The following ADPRHL1 variants were observed in gnomAD, a reference collection of about 807,000 sequenced individuals.
The protein encoded by ADPRHL1 is inactive ADP-ribosyltransferase ARH2.
In ADPRHL1, 43 loss-of-function variants were observed where a neutral mutation model predicts 44.1. The observed-to-expected ratio is 0.98, with a 90% confidence interval of 0.76 to 1.26. The LOEUF is 1.26. Ranked by LOEUF, ADPRHL1 falls within the 50% of genes most tolerant of loss-of-function variation. The pLI is 0.00. For synonymous variants in ADPRHL1, 878 were observed against 1,017.4 expected (o/e 0.86, Z 2.61); for missense variants, 2,022 against 2,496.9 (o/e 0.81, Z 4.05).
chr13:113,429,754 C>A (rs540188030), intron 3 of ADPRHL1, among the ~76,000 whole-genome samples: 2 of 152,188 alleles, frequency 1.3e-5, no homozygotes, highest in African/African-American at 2.4e-5. Context: ...GTTTCCTGTG[C>A]GGGGCCGACT....
Position 113,407,641 on chromosome 13 carries a change from C to A in ADPRHL1, c.1641G>T (p.Val547=), listed in dbSNP as rs1226979436. The part of the protein sequence containing the change: ...LLPKIMGKSS[V]LSKLREKFEQ... ...CGAACTTCTCCCGCAGCTTGGACAG[C>A]ACCGAGCTCTTGCCCATGATCTTCG... Residue 547 remains valine (V), a synonymous_variant, in exon 8 of 8, where the codon GTG becomes GTT. Coordinates refer to ENST00000612156, the MANE Select transcript of ADPRHL1 (RefSeq NM_001394807.1). 17 of 1,231,984 alleles carry A rather than the reference C, an allele frequency of 1.4e-5. No homozygotes were observed. The highest frequency in any genetic ancestry group is 1.7e-5 in the Non-Finnish European group (17 of 988,020). 76.3% of individuals were successfully genotyped at this position (1,231,984 alleles called of 1,614,324 possible).
chr13:113,417,615 C>T (rs1220980965), intron 7 of ADPRHL1, among the ~76,000 whole-genome samples: 13 of 152,234 alleles, frequency 8.5e-5, no homozygotes, highest in East Asian at 5.8e-4. Flanking sequence ...AGCCGCTGCT[C>T]GGGGTGTGGC....
At position 113,437,234 on chromosome 13, in the gene ADPRHL1, G is replaced by A. The variant is rs181157483; in HGVS notation, c.380-3367C>T. Among the ~76,000 whole-genome samples, 513 of 146,472 alleles carry A rather than the reference G, an allele frequency of 3.5e-3. 4 individuals carry two copies. The highest frequency in any genetic ancestry group is 5.8e-3 in the Non-Finnish European group (388 of 66,702). The stretch of plus-strand genomic sequence containing the variant: ...CGTAGAGTGAACACAGGTGTACCCC[G>A]GGACCCGGCACCCACACATAGAGTG... On this transcript the variant is annotated intron_variant, in intron 2 of 7. Coordinates refer to ENST00000612156, the MANE Select transcript of ADPRHL1 (RefSeq NM_001394807.1).
intron 3 of ADPRHL1, 28 bp downstream of exon 3, chr13:113,433,714 C>A: frequency 1.9e-6 from 3 of 1,567,314 alleles, no homozygotes; most frequent in Non-Finnish European, 2.6e-6. Context: ...CCACGCTGAC[C>A]TCCCTCCCAC....
chr13:113,440,986 C>G (rs1342558045), intron 2 of ADPRHL1, among the ~76,000 whole-genome samples: 1 of 152,052 alleles, frequency 6.6e-6, no homozygotes, highest in African/African-American at 2.4e-5. Context: ...AACCTTGTCA[C>G]TACTAAAAAT....
At chr13:113,420,872 AC>A (rs1489956629) in intron 7 of ADPRHL1, among the ~76,000 whole-genome samples, 1 of 142,936 alleles carries the variant, frequency 7.0e-6, no homozygotes, top group African/African-American at 2.6e-5. Flanking sequence ...TAGCCCCAGG[AC>A]CCGCCCACCC....
chr13:113,424,153 AG>A, intron 6 of ADPRHL1, 63 bp downstream of exon 6: 1 of 1,597,074 alleles, frequency 6.3e-7, no homozygotes, highest in Non-Finnish European at 8.5e-7. Flanking sequence ...GGACACTCCG[AG>A]GGGGTGCTTC....
chr13:113,407,808 G>C lies in ADPRHL1; in HGVS notation c.1474C>G (p.Arg492Gly), dbSNP rs1796995989. The C allele has an allele frequency of 8.1e-7, 1 of 1,232,022 alleles. No homozygotes were observed. The highest frequency in any genetic ancestry group is 1.0e-6 in the Non-Finnish European group (1 of 988,006). 76.3% of individuals were successfully genotyped at this position (1,232,022 alleles called of 1,614,324 possible). A position where few individuals can be genotyped will look rare whatever the true frequency, so the allele number is the denominator to read the frequency against. Reference protein sequence around the residue: ...APKPCLSEKPRWGHPAGKSTV... With the variant: ...APKPCLSEKPGWGHPAGKSTV... ...CTCTTCCCGGCCGGGTGGCCCCAGCGGGGCTTCTCGCTGAGGCAGGGCTTT... is the reference window on the plus strand; with the variant it reads ...CTCTTCCCGGCCGGGTGGCCCCAGCCGGGCTTCTCGCTGAGGCAGGGCTTT... Residue 492 changes from arginine (R) to glycine (G), a missense_variant, in exon 8 of 8, where the codon CGC (arginine) becomes GGC (glycine). By Grantham distance (125) the Arg-to-Gly change is moderately radical (BLOSUM62 -2). Around this residue, in one of 8 missense-constraint regions of ADPRHL1, gnomAD observed 1,221 missense variants for 1,517.8 expected, o/e 0.80. Transcript: ENST00000612156.
At chr13:113,422,783 T>C (rs1169481936) in intron 7 of ADPRHL1, 43 bp downstream of exon 7, 5 of 1,609,544 alleles carry the variant, frequency 3.1e-6, no homozygotes, top group Non-Finnish European at 4.2e-6. Flanking sequence ...GGCCCCGGGG[T>C]GGAATCGGCT....
At chr13:113,411,612 G>A (rs1566467023) in intron 7 of ADPRHL1, among the ~76,000 whole-genome samples, 1 of 152,244 alleles carries the variant, frequency 6.6e-6, no homozygotes, top group South Asian at 2.1e-4. Flanking sequence ...GATCATCTGA[G>A]ACACGTTTTC....
chr13:113,434,307 C>T (rs2044030430), intron 2 of ADPRHL1, among the ~76,000 whole-genome samples: 1 of 151,838 alleles, frequency 6.6e-6, no homozygotes, highest in African/African-American at 2.4e-5. Context: ...ACCCAGCATC[C>T]ACACGTAGAG....
intron 1 of ADPRHL1, among the ~76,000 whole-genome samples, chr13:113,445,968 G>C (rs2044133658): frequency 6.6e-6 from 1 of 151,684 alleles, no homozygotes. Context: ...AACCCCTGGA[G>C]AGAGTGCACA....
Position 113,453,279 on chromosome 13 carries a change from C to T in ADPRHL1, c.159G>A (p.Trp53Ter). The change falls in exon 1 of 8, where the codon TGG (tryptophan) becomes TGA (stop). Residue 53 changes from tryptophan to a stop codon, truncating the protein, a stop_gained. Coordinates refer to ENST00000612156, the MANE Select transcript of ADPRHL1 (RefSeq NM_001394807.1). LOFTEE classifies it high-confidence loss of function. The surrounding 1 kb of genome is among the most constrained non-coding windows in gnomAD (Gnocchi z 5.4). ...LDHLVLSPGE[W>*]PVSDNTIMHI... ...GCATGATGGTGTTGTCACTCACGGG[C>T]CATTCTCCTGGCGAGAGTACGAGGT... The T allele has an allele frequency of 1.9e-6, 3 of 1,614,138 alleles. No individual in the cohort carries two copies. The highest frequency in any genetic ancestry group is 2.5e-6 in the Non-Finnish European group (3 of 1,180,032).
chr13:113,421,576 G>A (rs113902023), intron 7 of ADPRHL1, among the ~76,000 whole-genome samples: 1 of 152,192 alleles, frequency 6.6e-6, no homozygotes, highest in Non-Finnish European at 1.5e-5. Flanking sequence ...GCGCCTGGAA[G>A]TGGTTGGCGG....
chr13:113,417,708 C>T (rs751233313), intron 7 of ADPRHL1, among the ~76,000 whole-genome samples: 52 of 66,700 alleles, frequency 7.8e-4, no homozygotes, highest in Non-Finnish European at 1.5e-3. Context: ...GAGCTGATAA[C>T]TTATTTCTGT....
chr13:113,421,338 C>A (rs533510623), intron 7 of ADPRHL1, among the ~76,000 whole-genome samples: 13 of 144,724 alleles, frequency 9.0e-5, no homozygotes, highest in Admixed American at 6.8e-5. Context: ...CGCCCACCCC[C>A]GGGACACGCC....
In ADPRHL1 at chr13:113,402,227, G is replaced by C. The variant is rs559732204; in HGVS notation, c.*1151C>G. The C allele has an allele frequency of 2.6e-5, 4 of 152,362 alleles. No homozygotes were observed. The East Asian group carries it at 7.7e-4, about 29-fold the overall frequency. 9.4% of individuals were successfully genotyped at this position (152,362 alleles called of 1,614,324 possible). ...GGCCTCACGGGTCCGGGTTTCAGAG[G>C]CCACCGAGTGGCCTGGGACGATGGA... On this transcript the variant is annotated 3_prime_UTR_variant, in exon 8 of 8. Coordinates refer to ENST00000612156, the MANE Select transcript of ADPRHL1 (RefSeq NM_001394807.1).
Position 113,424,360 on chromosome 13 carries a change from A to G in ADPRHL1, c.775-11T>C. On this transcript the variant is annotated splice_polypyrimidine_tract_variant and intron_variant, in intron 5 of 7. Coordinates refer to ENST00000612156, the MANE Select transcript of ADPRHL1 (RefSeq NM_001394807.1). Reference sequence around the variant, plus strand: ...CCACTTCCTGTAGGTCTGACAAGAGAGCCGTGGGTCGGGGCGTGTGCCCAA... The same window carrying G: ...CCACTTCCTGTAGGTCTGACAAGAGGGCCGTGGGTCGGGGCGTGTGCCCAA... The G allele has an allele frequency of 6.2e-7, 1 of 1,612,530 alleles. No homozygotes were observed. Among genetic ancestry groups the G allele is most frequent in the Non-Finnish European group, 8.5e-7 (1 of 1,179,788 alleles).
intron 1 of ADPRHL1, among the ~76,000 whole-genome samples, chr13:113,452,285 C>G (rs1297106628): frequency 6.6e-6 from 1 of 152,180 alleles, no homozygotes; most frequent in Non-Finnish European, 1.5e-5. Context: ...AAGCCGGGAG[C>G]CTTATCTTAT....
Sources: gnomAD v4.1 joint callset for allele counts (sites outside exome capture counted in the v4.1 genomes callset) on GRCh38, gnomAD v4.1.1 for gene constraint, gnomAD v4.1.1 regional missense constraint, Gnocchi (gnomAD v3.1) non-coding constraint, MANE v1.5 for transcripts, NCBI Gene and HGNC (gene_info 2026-07-23, HGNC 2026-07-21) for gene names.